HS3ST1: variants seen among roughly 807,000 people sequenced by gnomAD.
HS3ST1 encodes heparan sulfate-glucosamine 3-sulfotransferase 1.
Under a neutral mutation model 20.7 loss-of-function variants are expected in HS3ST1, and 8 were observed. That is an observed-to-expected ratio of 0.39 (90% CI 0.23 to 0.70). The LOEUF (loss-of-function observed/expected upper bound fraction) is 0.70, where lower values mean the gene tolerates loss of function less well. HS3ST1 is among the 30% of genes least tolerant of loss of function. HS3ST1 has a pLI of 0.46. For synonymous variants in HS3ST1, 205 were observed against 190.4 expected (o/e 1.08, Z -0.63); for missense variants, 436 against 423.4 (o/e 1.03, Z -0.26).
At chr4:11,416,538 C>T (rs1392463590) in intron 1 of HS3ST1, among the ~76,000 whole-genome samples, 3 of 152,160 alleles carry the variant, frequency 2.0e-5, no homozygotes, top group African/African-American at 7.2e-5. Context: ...GAGATCAACA[C>T]CTACATCTCT....
upstream of HS3ST1, among the ~76,000 whole-genome samples, chr4:11,432,649 G>C (rs532417429): frequency 2.6e-5 from 4 of 152,206 alleles, no homozygotes; most frequent in Admixed American, 2.0e-4. Context: ...ATTTTCACTC[G>C]TTTGACCAAA....
At chr4:11,406,059 C>T (rs1463079809) in intron 1 of HS3ST1, among the ~76,000 whole-genome samples, 2 of 152,152 alleles carry the variant, frequency 1.3e-5, no homozygotes, top group African/African-American at 2.4e-5. Flanking sequence ...CAGGAATCTC[C>T]TCTAGGGTAG....
At chr4:11,401,516 G>C (rs1362446488) in intron 1 of HS3ST1, among the ~76,000 whole-genome samples, 1 of 151,968 alleles carries the variant, frequency 6.6e-6, no homozygotes, top group Non-Finnish European at 1.5e-5. Flanking sequence ...AGCTAATTTT[G>C]TATTTTTAAT....
At chr4:11,422,062 A>G (rs1344817102) in intron 1 of HS3ST1, among the ~76,000 whole-genome samples, 1 of 152,254 alleles carries the variant, frequency 6.6e-6, no homozygotes, top group Non-Finnish European at 1.5e-5. Flanking sequence ...CTTTTGCACA[A>G]GCAGACCAGG....
chr4:11,404,764 C>T (rs1718417018), intron 1 of HS3ST1, among the ~76,000 whole-genome samples: 1 of 152,230 alleles, frequency 6.6e-6, no homozygotes, highest in African/African-American at 2.4e-5. Context: ...TCTATAGCAC[C>T]TGGAGCTGAG....
In HS3ST1 at chr4:11,399,603, T is replaced by C; in HGVS notation, c.403A>G (p.Ser135Gly). The C allele has an allele frequency of 1.2e-6, 2 of 1,613,896 alleles. No individual in the cohort carries two copies. The highest frequency in any genetic ancestry group is 2.2e-5 in the South Asian group (2 of 91,084). Residue 135 changes from serine (S) to glycine (G), a missense_variant, in exon 2 of 2, where the codon AGC (serine) becomes GGC (glycine). Coordinates refer to ENST00000002596, the MANE Select transcript of HS3ST1 (RefSeq NM_005114.4). This position sits in a 1 kb window ranked among gnomAD's most constrained non-coding sequence, Gnocchi z 5.1. ...TSPKVPERVY[S>G]MNPSIRLLLI... ...AGCAGCCGGATGGACGGGTTCATGC[T>C]GTAGACTCGCTCAGGCACTTTGGGC...
At chr4:11,404,201 C>T (rs1446506847) in intron 1 of HS3ST1, among the ~76,000 whole-genome samples, 1 of 152,064 alleles carries the variant, frequency 6.6e-6, no homozygotes, top group Non-Finnish European at 1.5e-5. Flanking sequence ...TGTGCCACCA[C>T]AGCTGGCTAA....
At chr4:11,425,632 G>A (rs1026676506) in intron 1 of HS3ST1, among the ~76,000 whole-genome samples, 1 of 152,150 alleles carries the variant, frequency 6.6e-6, no homozygotes, top group Non-Finnish European at 1.5e-5. Flanking sequence ...TGCAAACTAT[G>A]ATTAAAATGA....
intron 1 of HS3ST1, among the ~76,000 whole-genome samples, chr4:11,423,214 A>G (rs1190427866): frequency 2.0e-5 from 3 of 152,086 alleles, no homozygotes; most frequent in Non-Finnish European, 4.4e-5. Context: ...TTGTTCATCA[A>G]TGTACTCTAA....
At chr4:11,427,574 G>A (rs1356875951) in intron 1 of HS3ST1, among the ~76,000 whole-genome samples, 1 of 152,214 alleles carries the variant, frequency 6.6e-6, no homozygotes, top group African/African-American at 2.4e-5. Flanking sequence ...TAACATTGTG[G>A]GAAAGGGAGG....
chr4:11,405,852 C>T (rs1457667935), intron 1 of HS3ST1, among the ~76,000 whole-genome samples: 1 of 152,184 alleles, frequency 6.6e-6, no homozygotes, highest in African/African-American at 2.4e-5. Context: ...ACATCATGAC[C>T]TAGATTTCAA....
At chr4:11,427,161 C>T (rs1719082047) in intron 1 of HS3ST1, among the ~76,000 whole-genome samples, 1 of 151,872 alleles carries the variant, frequency 6.6e-6, no homozygotes, top group African/African-American at 2.4e-5. Context: ...GGAAGCATTT[C>T]AACAAAATAA....
At chr4:11,402,817 T>A (rs887995744) in intron 1 of HS3ST1, among the ~76,000 whole-genome samples, 1 of 152,244 alleles carries the variant, frequency 6.6e-6, no homozygotes, top group Non-Finnish European at 1.5e-5. Flanking sequence ...TGAGGCATCC[T>A]GGTTAGTGTA....
rs1290887265 is a variant in HS3ST1 at position 11,393,406 on chromosome 4, A to T, written c.*5676T>A. 6.6e-6 allele frequency: 1 copy of T among 152,210 alleles called. No homozygotes were observed. Among genetic ancestry groups the T allele is most frequent in the African/African-American group, 2.4e-5 (1 of 41,440 alleles). 9.4% of individuals were successfully genotyped at this position (152,210 alleles called of 1,614,324 possible). ...ATAAAATAGACTCATTCTCTGCTAT[A>T]TCTCATTTAATTGGAAGAATTCTAA... is the stretch of plus-strand genomic sequence containing the variant. On this transcript the variant is annotated 3_prime_UTR_variant, in exon 2 of 2. Transcript: ENST00000002596.
chr4:11,410,144 A>T (rs1020396870), intron 1 of HS3ST1, among the ~76,000 whole-genome samples: 1 of 152,216 alleles, frequency 6.6e-6, no homozygotes, highest in Non-Finnish European at 1.5e-5. Flanking sequence ...CTCTTACAAG[A>T]CATCTACGAT....
chr4:11,423,757 T>A (rs1022829386), intron 1 of HS3ST1, among the ~76,000 whole-genome samples: 3 of 152,200 alleles, frequency 2.0e-5, no homozygotes, highest in African/African-American at 4.8e-5. Context: ...AGGTTCACTC[T>A]GTAAACAGTA....
intron 1 of HS3ST1, among the ~76,000 whole-genome samples, chr4:11,423,034 A>AAG (rs1718977958): frequency 6.7e-6 from 1 of 149,442 alleles, no homozygotes; most frequent in African/African-American, 2.5e-5. Flanking sequence ...AAAAAAAAAA[A>AAG]AAAAAAAAAA....
chr4:11,413,181 G>C (rs1326739131), intron 1 of HS3ST1, among the ~76,000 whole-genome samples: 1 of 152,142 alleles, frequency 6.6e-6, no homozygotes, highest in Non-Finnish European at 1.5e-5. Flanking sequence ...ACTAAGATAA[G>C]TATTATATAA....
intron 1 of HS3ST1, among the ~76,000 whole-genome samples, chr4:11,416,910 C>T (rs16881554): frequency 0.05 from 7,631 of 152,280 alleles, 220 homozygotes; most frequent in African/African-American, 0.058. Context: ...AAGAATGATA[C>T]AGTCTGAACC....
Sources: allele counts gnomAD v4.1 joint callset (sites outside exome capture counted in the v4.1 genomes callset), GRCh38; gene constraint gnomAD v4.1.1; non-coding constraint Gnocchi (gnomAD v3.1); transcripts MANE v1.5; gene names NCBI Gene and HGNC (gene_info 2026-07-23, HGNC 2026-07-21).